NHSL2: variants seen among roughly 807,000 people sequenced by gnomAD.
NHSL2 encodes NHS-like protein 2.
NHSL2 carries 27 observed loss-of-function variants against 53.4 expected under a neutral mutation model. The ratio of observed to expected loss-of-function variants is 0.51; its 90% CI spans 0.37 to 0.70. NHSL2 has a LOEUF of 0.70. Ranked by LOEUF, NHSL2 falls within the 30% of genes least tolerant of loss-of-function variation. The pLI, the probability that NHSL2 is intolerant of heterozygous loss-of-function variation, is 0.00. For synonymous variants in NHSL2, 408 were observed against 404.1 expected (o/e 1.01, Z -0.12); for missense variants, 892 against 980.1 (o/e 0.91, Z 1.20).
chrX:72,052,634 T>C (rs1314620256), intron 1 of NHSL2, among the ~76,000 whole-genome samples: 1 of 111,756 alleles, frequency 8.9e-6, no homozygotes, highest in Non-Finnish European at 1.9e-5. Context: ...GCTTCCCCCA[T>C]GTCCCTCTCA....
intron 1 of NHSL2, among the ~76,000 whole-genome samples, chrX:72,102,884 G>A (rs2042007168): frequency 8.9e-6 from 1 of 111,971 alleles, no homozygotes. Context: ...CAATGGAGGT[G>A]AACACCAGGG....
At position 71,950,668 on chromosome X, in the gene NHSL2, G is replaced by A. The variant is rs137959163; in HGVS notation, c.280+39301G>A. On this transcript the variant is annotated intron_variant, in intron 1 of 7. Coordinates refer to ENST00000633930, the MANE Select transcript of NHSL2 (RefSeq NM_001013627.3). ...CCAAGGGCCGGGCATCTATGCCATG[G>A]CTCTGCTCCCACTTGTGACATGGTG... is the stretch of plus-strand genomic sequence containing the variant. Among the ~76,000 whole-genome samples, 252 of 112,305 alleles carry A rather than the reference G, an allele frequency of 2.2e-3. 7 individuals are homozygous for A. In the East Asian group the frequency reaches 0.048, roughly 22 times the overall value.
chrX:72,028,202 C>T (rs2042196183), intron 1 of NHSL2, among the ~76,000 whole-genome samples: 1 of 112,238 alleles, frequency 8.9e-6, no homozygotes, highest in Non-Finnish European at 1.9e-5. Flanking sequence ...TCTTCTTGGG[C>T]TTACTTTTTT....
intron 1 of NHSL2, among the ~76,000 whole-genome samples, chrX:72,104,848 C>G (rs1277162190): frequency 9.0e-6 from 1 of 111,015 alleles, no homozygotes; most frequent in Non-Finnish European, 1.9e-5. Context: ...TGATTGTGCT[C>G]AACAAGGAAG....
intron 1 of NHSL2, among the ~76,000 whole-genome samples, chrX:72,016,070 C>T (rs1252124049): frequency 8.9e-6 from 1 of 112,174 alleles, no homozygotes; most frequent in African/African-American, 3.2e-5. Flanking sequence ...ATACCAAAGT[C>T]ACAAATATAT....
intron 1 of NHSL2, among the ~76,000 whole-genome samples, chrX:72,066,598 T>C (rs925188518): frequency 9.0e-6 from 1 of 111,145 alleles, no homozygotes; most frequent in Non-Finnish European, 1.9e-5. Flanking sequence ...AGAAGAGTGG[T>C]GAGGCAGAAA....
At chrX:72,091,096 A>G (rs1030373196) in intron 1 of NHSL2, among the ~76,000 whole-genome samples, 3 of 111,987 alleles carry the variant, frequency 2.7e-5, no homozygotes, top group Non-Finnish European at 3.8e-5. Context: ...ATGTATCTTC[A>G]TATGCACTAA....
chrX:71,940,587 G>T (rs2041761112), intron 1 of NHSL2, among the ~76,000 whole-genome samples: 1 of 111,301 alleles, frequency 9.0e-6, no homozygotes, highest in Admixed American at 9.6e-5. Flanking sequence ...CTCGCAGAGT[G>T]CAGGCCAGGT....
chrX:72,086,588 G>A (rs2041846914), intron 1 of NHSL2, among the ~76,000 whole-genome samples: 2 of 107,008 alleles, frequency 1.9e-5, no homozygotes, highest in Non-Finnish European at 3.8e-5. Flanking sequence ...GGAGGCTGAG[G>A]CAGGAGAATC....
intron 1 of NHSL2, among the ~76,000 whole-genome samples, chrX:71,930,052 G>C (rs2041705284): frequency 1.8e-5 from 2 of 112,245 alleles, no homozygotes; most frequent in South Asian, 7.5e-4. Flanking sequence ...ACCACGCCCA[G>C]ACTCTGGCTG....
At chrX:71,922,482 C>T (rs2041664593) in intron 1 of NHSL2, among the ~76,000 whole-genome samples, 1 of 111,837 alleles carries the variant, frequency 8.9e-6, no homozygotes, top group South Asian at 3.8e-4. Flanking sequence ...GCCTCCCAAG[C>T]AATACTGTAC....
chrX:71,985,856 T>G, intron 1 of NHSL2, among the ~76,000 whole-genome samples: 1 of 111,906 alleles, frequency 8.9e-6, no homozygotes, highest in East Asian at 2.8e-4. Flanking sequence ...CAAGAACACC[T>G]GTTAGAGTCC....
chrX:72,002,590 G>A (rs1471249803), intron 1 of NHSL2, among the ~76,000 whole-genome samples: 1 of 111,702 alleles, frequency 9.0e-6, no homozygotes, highest in Non-Finnish European at 1.9e-5. Context: ...CACAGATAAG[G>A]AAACCGAGGC....
rs180871381 is a variant in NHSL2, at chrX:71,989,433, A to G, written c.280+78066A>G. On this transcript the variant is annotated intron_variant, in intron 1 of 7. Coordinates refer to ENST00000633930, the MANE Select transcript of NHSL2 (RefSeq NM_001013627.3). ...ATTTACTATGTGCCAGGAACTATGCATGCATCATCACATTTAATCCTTATC... is the reference window on the plus strand; with the variant it reads ...ATTTACTATGTGCCAGGAACTATGCGTGCATCATCACATTTAATCCTTATC... Among the ~76,000 whole-genome samples the G allele has an allele frequency of 4.4e-3, 488 of 110,501 alleles. 3 individuals carry two copies. Among genetic ancestry groups the G allele is most frequent in the African/African-American group, 0.015 (457 of 30,343 alleles).
intron 1 of NHSL2, among the ~76,000 whole-genome samples, chrX:72,113,529 A>G (rs1286063233): frequency 5.4e-5 from 6 of 112,057 alleles, no homozygotes; most frequent in African/African-American, 1.9e-4. Context: ...CAGGCTGGAC[A>G]GGAGAACCAC....
intron 1 of NHSL2, among the ~76,000 whole-genome samples, chrX:72,051,757 C>T (rs1175633928): frequency 8.9e-6 from 1 of 111,927 alleles, no homozygotes; most frequent in Non-Finnish European, 1.9e-5. Flanking sequence ...GTCTTTGGTT[C>T]CTCCAGATTC....
rs1482307791 is a variant in NHSL2, at chrX:72,148,931, C to T, written c.*5357C>T. ...TCAAGCCCCTGAATCACTATAGCCACGACTCTCCAACTGATTCCAACCTTT... is the reference window on the plus strand; with the variant it reads ...TCAAGCCCCTGAATCACTATAGCCATGACTCTCCAACTGATTCCAACCTTT... On this transcript the variant is annotated 3_prime_UTR_variant, in exon 8 of 8. Transcript: ENST00000633930. 2 of 106,741 alleles carry T rather than the reference C, an allele frequency of 1.9e-5. No individual in the cohort carries two copies. The highest frequency in any genetic ancestry group is 3.4e-5 in the African/African-American group (1 of 29,179). The allele number at this position is 106,741 out of a possible 1,213,427, so 8.8% of individuals were successfully genotyped here. A position where few individuals can be genotyped will look rare whatever the true frequency, so the allele number is the denominator to read the frequency against.
chrX:72,096,789 T>A (rs60378067), intron 1 of NHSL2, among the ~76,000 whole-genome samples: 164 of 111,843 alleles, frequency 1.5e-3, no homozygotes, highest in African/African-American at 5.0e-3. Context: ...TTGGGTTTTT[T>A]AATTCTTTCT....
At position 72,152,021 on chromosome X, in the gene NHSL2, T is replaced by A. The variant is rs1451921433; in HGVS notation, c.*8447T>A. 2 of 112,968 alleles carry A rather than the reference T, an allele frequency of 1.8e-5. No homozygotes were observed. Among genetic ancestry groups the A allele is most frequent in the Non-Finnish European group, 3.7e-5 (2 of 53,410 alleles). 9.3% of individuals were successfully genotyped at this position (112,968 alleles called of 1,213,427 possible). ...CTGTGCCCACAGTTTTTCCCTGCCT[T>A]CTGGACCCTCAGCCCCTGGGATGGG... On this transcript the variant is annotated 3_prime_UTR_variant, in exon 8 of 8. Coordinates refer to ENST00000633930, the MANE Select transcript of NHSL2 (RefSeq NM_001013627.3).
Sources: allele counts gnomAD v4.1 joint callset (sites outside exome capture counted in the v4.1 genomes callset), GRCh38; gene constraint gnomAD v4.1.1; transcripts MANE v1.5; gene names NCBI Gene and HGNC (gene_info 2026-07-23, HGNC 2026-07-21).